The following ELAVL2 variants were observed in gnomAD, a reference collection of about 807,000 sequenced individuals.
The protein encoded by ELAVL2 is ELAV-like protein 2.
ELAVL2 carries 4 observed loss-of-function variants against 34.6 expected under a neutral mutation model. The ratio of observed to expected loss-of-function variants is 0.12; its 90% CI spans 0.06 to 0.26. The LOEUF (loss-of-function observed/expected upper bound fraction) is 0.26, where lower values mean the gene tolerates loss of function less well. ELAVL2 is among the 10% of genes least tolerant of loss of function. The probability of loss-of-function intolerance (pLI) is 1.00; values close to 1 mark genes in which losing one functional copy is unlikely to be tolerated. For missense variants in ELAVL2, 432 were observed against 442.8 expected, an observed-to-expected ratio of 0.98 and a Z score of 0.22; for synonymous variants, 193 against 154.8, an observed-to-expected ratio of 1.25 and a Z score of -1.83.
intron 1 of ELAVL2, among the ~76,000 whole-genome samples, chr9:23,807,989 C>T (rs970947031): frequency 2.0e-5 from 3 of 151,970 alleles, no homozygotes; most frequent in Non-Finnish European, 2.9e-5. Context: ...ATCGGTTTCT[C>T]GTAAAAAATA....
At chr9:23,806,633 C>G (rs2137887995) in intron 1 of ELAVL2, among the ~76,000 whole-genome samples, 1 of 151,720 alleles carries the variant, frequency 6.6e-6, no homozygotes, top group East Asian at 1.9e-4. Flanking sequence ...AAAAAAAAAT[C>G]AGTAATAAGA....
chr9:23,818,057 T>C (rs981755273), intron 1 of ELAVL2, among the ~76,000 whole-genome samples: 8 of 152,250 alleles, frequency 5.3e-5, no homozygotes, highest in Non-Finnish European at 7.4e-5. Flanking sequence ...AATTAGAACA[T>C]ACAAAAGTGT....
intron 1 of ELAVL2, chr9:23,821,986 G>T (rs1358659697): frequency 6.6e-6 from 1 of 151,644 alleles, no homozygotes; most frequent in Non-Finnish European, 1.5e-5. Context: ...GAGATGCCGG[G>T]CTTCAGCAGC....
intron 1 of ELAVL2, among the ~76,000 whole-genome samples, chr9:23,809,069 A>C (rs924575780): frequency 6.6e-6 from 1 of 152,176 alleles, no homozygotes; most frequent in Non-Finnish European, 1.5e-5. Flanking sequence ...TTGAGCTTTC[A>C]CCCTCAACAA....
chr9:23,820,930 C>G (rs1182549435), intron 1 of ELAVL2, among the ~76,000 whole-genome samples: 1 of 152,178 alleles, frequency 6.6e-6, no homozygotes, highest in Non-Finnish European at 1.5e-5. Flanking sequence ...TGCGACGGGC[C>G]TCACCTAACG....
intron 3 of ELAVL2, among the ~76,000 whole-genome samples, chr9:23,705,724 T>C (rs1356100274): frequency 1.3e-5 from 2 of 152,230 alleles, no homozygotes; most frequent in Non-Finnish European, 2.9e-5. Flanking sequence ...GAGAATCTAA[T>C]GCTGCAGCTA....
chr9:23,783,511 A>C (rs2059328986), intron 1 of ELAVL2: 3 of 985,456 alleles, frequency 3.0e-6, no homozygotes, highest in Middle Eastern at 5.2e-4. Context: ...AGGCATCAGG[A>C]ATTCTTGGAG....
intron 1 of ELAVL2, among the ~76,000 whole-genome samples, chr9:23,798,331 A>T (rs989975828): frequency 6.6e-6 from 1 of 152,096 alleles, no homozygotes; most frequent in African/African-American, 2.4e-5. Flanking sequence ...GTTACTGTGC[A>T]CTCTGAAGCC....
the ELAVL2 span, among the ~76,000 whole-genome samples, chr9:23,848,288 AAGG>A: frequency 1.3e-5 from 2 of 152,194 alleles, no homozygotes; most frequent in African/African-American, 4.8e-5. Context: ...TGGGTAGAAG[AAGG>A]AGATTTCTCA....
At chr9:23,733,187 A>C (rs1219344946) in intron 2 of ELAVL2, among the ~76,000 whole-genome samples, 1 of 151,224 alleles carries the variant, frequency 6.6e-6, no homozygotes, top group African/African-American at 2.4e-5. Flanking sequence ...AAAAAAAAAA[A>C]AAAAACTAAA....
At chr9:23,759,781 T>C (rs1295789049) in intron 2 of ELAVL2, among the ~76,000 whole-genome samples, 1 of 133,200 alleles carries the variant, frequency 7.5e-6, no homozygotes, top group Non-Finnish European at 1.6e-5. Flanking sequence ...TATATATATA[T>C]ATATATATAA....
rs2064338523 is a variant in ELAVL2 at position 23,820,098 on chromosome 9, G to C, written c.-16+5708C>G. Among the ~76,000 whole-genome samples, 3 of 152,074 alleles carry C rather than the reference G, an allele frequency of 2.0e-5. No individual in the cohort carries two copies. In the South Asian group the frequency reaches 6.2e-4, roughly 32 times the overall value. On this transcript the variant is annotated intron_variant, in intron 1 of 6. Coordinates refer to ENST00000397312, the MANE Select transcript of ELAVL2 (RefSeq NM_004432.5). ...CCCGCTCACCAAAATGGAAACTCCAGGTCAGCTTCCACAAGAAATGGGAAA... is the reference window on the plus strand; with the variant it reads ...CCCGCTCACCAAAATGGAAACTCCACGTCAGCTTCCACAAGAAATGGGAAA...
At position 23,691,413 on chromosome 9, in the gene ELAVL2, A is replaced by C. The variant is rs1267499366; in HGVS notation, c.*1144T>G. On this transcript the variant is annotated 3_prime_UTR_variant, in exon 7 of 7. Coordinates refer to ENST00000397312, the MANE Select transcript of ELAVL2 (RefSeq NM_004432.5). Reference sequence around the variant, plus strand: ...TTTGCTGCAGTACAAATCATGTGCAACGTCTTTTTTCCTTAAGACAAAACA... The same window carrying C: ...TTTGCTGCAGTACAAATCATGTGCACCGTCTTTTTTCCTTAAGACAAAACA... 6.6e-6 allele frequency: 1 copy of C among 152,550 alleles called. No individual in the cohort carries two copies. Among genetic ancestry groups the C allele is most frequent in the Non-Finnish European group, 1.5e-5 (1 of 67,988 alleles). 9.4% of individuals were successfully genotyped at this position (152,550 alleles called of 1,614,324 possible).
chr9:23,759,753 ATTATATATATATATAT>A (rs2054458260), intron 2 of ELAVL2, among the ~76,000 whole-genome samples: 1 of 50,076 alleles, frequency 2.0e-5, no homozygotes, highest in Admixed American at 2.5e-4. Context: ...CATATATAGT[ATTATATATATATATAT>A]ATATATATAT....
rs375835950 is a variant in ELAVL2, at chr9:23,707,119, C to A, written c.334-2048G>T. Among the ~76,000 whole-genome samples, 43 of 152,178 alleles carry A rather than the reference C, an allele frequency of 2.8e-4. 1 individual carries two copies. Among genetic ancestry groups the A allele is most frequent in the Middle Eastern group, 6.8e-3 (2 of 294 alleles). On this transcript the variant is annotated intron_variant, in intron 3 of 6. Coordinates refer to ENST00000397312, the MANE Select transcript of ELAVL2 (RefSeq NM_004432.5). ...TCATACGCTATTTGTTTTCTCTATG[C>A]CTAAATACTTAAGAACAATGAAGAC...
intron 3 of ELAVL2, among the ~76,000 whole-genome samples, chr9:23,707,083 T>C (rs1396758869): frequency 6.6e-6 from 1 of 152,220 alleles, no homozygotes; most frequent in African/African-American, 2.4e-5. Context: ...GGAGAAAACA[T>C]ACATAACTAT....
At chr9:23,703,077 T>C (rs1038495866) in intron 4 of ELAVL2, among the ~76,000 whole-genome samples, 2 of 151,318 alleles carry the variant, frequency 1.3e-5, no homozygotes, top group African/African-American at 4.9e-5. Context: ...ATTTATTCAG[T>C]AGGTTCTGAA....
intron 1 of ELAVL2, among the ~76,000 whole-genome samples, chr9:23,799,576 C>A (rs1436669211): frequency 6.6e-6 from 1 of 152,174 alleles, no homozygotes; most frequent in East Asian, 1.9e-4. Context: ...AGCCCCATTT[C>A]CAACTTAATA....
chr9:23,742,354 G>A (rs1036629666), intron 2 of ELAVL2, among the ~76,000 whole-genome samples: 10 of 152,170 alleles, frequency 6.6e-5, no homozygotes, highest in Non-Finnish European at 1.2e-4. Context: ...AAAAACTACT[G>A]CAAGTGTTAA....
Sources: allele counts gnomAD v4.1 joint callset (sites outside exome capture counted in the v4.1 genomes callset), GRCh38; gene constraint gnomAD v4.1.1; transcripts MANE v1.5; gene names NCBI Gene and HGNC (gene_info 2026-07-23, HGNC 2026-07-21).